The following FBXO33 variants were observed in gnomAD, a reference collection of about 807,000 sequenced individuals.
FBXO33 encodes F-box protein 33, also known as F-box only protein 33.
A neutral mutation model predicts 46.3 loss-of-function variants in FBXO33; 22 were observed. The observed-to-expected ratio is 0.48, with a 90% CI of 0.34 to 0.68. The LOEUF is 0.68. Among genes scored for constraint, FBXO33 ranks in the 30% least tolerant of loss-of-function variants. The probability of loss-of-function intolerance (pLI) is 0.01; values close to 1 mark genes in which losing one functional copy is unlikely to be tolerated. For synonymous variants in FBXO33, 337 were observed against 291.3 expected (o/e 1.16, Z -1.60); for missense variants, 692 against 708.8 (o/e 0.98, Z 0.27).
chr14:39,411,588 T>A (rs2075423242), intron 1 of FBXO33, among the ~76,000 whole-genome samples: 1 of 150,996 alleles, frequency 6.6e-6, no homozygotes, highest in South Asian at 2.2e-4. Context: ...AGTGGCCAGA[T>A]CTTGGCTCAC....
intron 1 of FBXO33, among the ~76,000 whole-genome samples, chr14:39,424,755 C>G (rs2139419501): frequency 6.6e-6 from 1 of 152,266 alleles, no homozygotes; most frequent in African/African-American, 2.4e-5. Flanking sequence ...AAACATACAA[C>G]TTAAGTATGT....
At chr14:39,416,477 T>C (rs890023503) in intron 1 of FBXO33, among the ~76,000 whole-genome samples, 4 of 152,170 alleles carry the variant, frequency 2.6e-5, no homozygotes, top group African/African-American at 9.7e-5. Context: ...TACTTCTGGG[T>C]TGTCCATTCC....
intron 1 of FBXO33, among the ~76,000 whole-genome samples, chr14:39,423,553 A>T (rs56127968): frequency 7.2e-6 from 1 of 137,936 alleles, no homozygotes; most frequent in Admixed American, 6.7e-5. Flanking sequence ...AATAGAATAG[A>T]TAAATTACAG....
intron 1 of FBXO33, among the ~76,000 whole-genome samples, chr14:39,414,277 C>T (rs1277490608): frequency 3.3e-5 from 5 of 152,218 alleles, no homozygotes; most frequent in African/African-American, 7.2e-5. Flanking sequence ...TCTCCTGCAG[C>T]TTCCTCACCT....
chr14:39,423,375 A>G (rs1209700150), intron 1 of FBXO33, among the ~76,000 whole-genome samples: 1 of 152,212 alleles, frequency 6.6e-6, no homozygotes, highest in East Asian at 1.9e-4. Flanking sequence ...TATTTCTACT[A>G]AAGCTGAGCA....
intron 1 of FBXO33, among the ~76,000 whole-genome samples, chr14:39,404,099 C>T (rs907549265): frequency 3.9e-5 from 6 of 152,126 alleles, no homozygotes; most frequent in Non-Finnish European, 7.3e-5. Context: ...CTTAATTTCA[C>T]GGAAAAGCCC....
At chr14:39,406,223 T>C (rs1343923391) in intron 1 of FBXO33, among the ~76,000 whole-genome samples, 1 of 152,138 alleles carries the variant, frequency 6.6e-6, no homozygotes, top group East Asian at 1.9e-4. Flanking sequence ...TATTTGGCTT[T>C]GGAGAATATA....
intron 1 of FBXO33, among the ~76,000 whole-genome samples, chr14:39,419,983 A>G (rs1198297235): frequency 6.6e-6 from 1 of 152,240 alleles, no homozygotes; most frequent in Admixed American, 6.5e-5. Flanking sequence ...TCAAAAGAGA[A>G]TGAATTTCTT....
intron 1 of FBXO33, among the ~76,000 whole-genome samples, chr14:39,407,342 T>C (rs750752499): frequency 3.9e-5 from 6 of 152,198 alleles, no homozygotes; most frequent in South Asian, 2.1e-4. Context: ...TCTCCCCAAA[T>C]TGATCAACAG....
intron 1 of FBXO33, among the ~76,000 whole-genome samples, chr14:39,428,037 C>T (rs1269510368): frequency 6.6e-6 from 1 of 151,968 alleles, no homozygotes; most frequent in African/African-American, 2.4e-5. Context: ...TCAACAAGAC[C>T]CAAATCTAAG....
At chr14:39,400,289 A>G (rs1388279905) in intron 3 of FBXO33, among the ~76,000 whole-genome samples, 1 of 152,224 alleles carries the variant, frequency 6.6e-6, no homozygotes, top group African/African-American at 2.4e-5. Context: ...AAATTATAAA[A>G]CAATCATGTG....
At chr14:39,406,429 C>G (rs2075398766) in intron 1 of FBXO33, among the ~76,000 whole-genome samples, 2 of 152,116 alleles carry the variant, frequency 1.3e-5, no homozygotes, top group Admixed American at 1.3e-4. Flanking sequence ...CTGTAAACAA[C>G]TATAAAACTA....
At chr14:39,400,307 T>C (rs1196809319) in intron 3 of FBXO33, among the ~76,000 whole-genome samples, 1 of 152,188 alleles carries the variant, frequency 6.6e-6, no homozygotes, top group African/African-American at 2.4e-5. Context: ...GTGAATGATA[T>C]GCACCAACTT....
intron 1 of FBXO33, among the ~76,000 whole-genome samples, chr14:39,405,328 G>A (rs1354163285): frequency 6.6e-6 from 1 of 152,124 alleles, no homozygotes; most frequent in Non-Finnish European, 1.5e-5. Context: ...ACAGCCTCAA[G>A]CTACATATCA....
intron 1 of FBXO33, among the ~76,000 whole-genome samples, chr14:39,409,566 A>C (rs1360029462): frequency 6.6e-6 from 1 of 152,162 alleles, no homozygotes. Context: ...TCAGGGTCTT[A>C]TGTTGTTCCA....
chr14:39,405,778 A>C (rs570155252), intron 1 of FBXO33, among the ~76,000 whole-genome samples: 2 of 151,506 alleles, frequency 1.3e-5, no homozygotes, highest in Non-Finnish European at 3.0e-5. Flanking sequence ...GAAGAATCCA[A>C]GTAGTAAATA....
chr14:39,418,356 C>A (rs990677693), intron 1 of FBXO33, among the ~76,000 whole-genome samples: 1 of 151,632 alleles, frequency 6.6e-6, no homozygotes, highest in African/African-American at 2.4e-5. Flanking sequence ...AGCCACTGTG[C>A]CCAGCCTCAA....
intron 1 of FBXO33, among the ~76,000 whole-genome samples, chr14:39,408,260 A>G (rs1284388070): frequency 2.0e-5 from 3 of 152,038 alleles, no homozygotes; most frequent in African/African-American, 7.2e-5. Flanking sequence ...TTTATTTTTG[A>G]TAATAGACAT....
chr14:39,402,309 A>C, intron 2 of FBXO33, 92 bp downstream of exon 2: 4 of 643,712 alleles, frequency 6.2e-6, no homozygotes, highest in Non-Finnish European at 9.5e-6. Flanking sequence ...TTTAGGAAAA[A>C]AATCATTACT....
Sources: allele counts gnomAD v4.1 joint callset (sites outside exome capture counted in the v4.1 genomes callset), GRCh38; gene constraint gnomAD v4.1.1; transcripts MANE v1.5; gene names NCBI Gene and HGNC (gene_info 2026-07-23, HGNC 2026-07-21).